Variants in TLN2 observed in about 807,000 individuals in gnomAD.
TLN2 encodes talin 2, also known as talin-2.
Under a neutral mutation model 294.7 loss-of-function variants are expected in TLN2, and 118 were observed. The ratio of observed to expected loss-of-function variants is 0.40; its 90% confidence interval spans 0.34 to 0.47. The LOEUF (loss-of-function observed/expected upper bound fraction) is 0.47, where lower values mean the gene tolerates loss of function less well. Ranked by LOEUF, TLN2 falls within the 20% of genes least tolerant of loss-of-function variation. The pLI, the probability that TLN2 is intolerant of heterozygous loss-of-function variation, is 0.84. For synonymous variants in TLN2, 1,431 were observed against 1,304.5 expected (o/e 1.10, Z -2.09); for missense variants, 3,083 against 3,282.2 (o/e 0.94, Z 1.48).
intron 1 of TLN2, among the ~76,000 whole-genome samples, chr15:62,584,901 G>T (rs2045460983): frequency 6.6e-6 from 1 of 152,112 alleles, no homozygotes; most frequent in Non-Finnish European, 1.5e-5. Context: ...AATCCTATTG[G>T]ATTTTCTCTG....
chr15:62,675,578 C>A (rs1305311897), intron 11 of TLN2, among the ~76,000 whole-genome samples: 1 of 152,184 alleles, frequency 6.6e-6, no homozygotes, highest in Non-Finnish European at 1.5e-5. Flanking sequence ...GCTATAAAGT[C>A]CCTGAAGGAG....
chr15:62,784,145 T>A (rs983475667), intron 45 of TLN2: 1 of 528,174 alleles, frequency 1.9e-6, no homozygotes, highest in African/African-American at 1.9e-5. Context: ...TTGTATACAG[T>A]GTTCTATCAG....
chr15:62,581,096 A>C (rs534164001), intron 1 of TLN2, among the ~76,000 whole-genome samples: 117 of 152,006 alleles, frequency 7.7e-4, no homozygotes, highest in East Asian at 3.7e-3. Flanking sequence ...GTTGGCCCGG[A>C]TGGTCTCCTA....
At chr15:62,500,710 G>A (rs1362837718) in intron 1 of TLN2, among the ~76,000 whole-genome samples, 1 of 152,220 alleles carries the variant, frequency 6.6e-6, no homozygotes, top group Non-Finnish European at 1.5e-5. Flanking sequence ...TGACATCAAT[G>A]CCCACTTGGA....
intron 3 of TLN2, among the ~76,000 whole-genome samples, chr15:62,632,866 A>G (rs981981130): frequency 6.6e-6 from 1 of 152,208 alleles, no homozygotes; most frequent in East Asian, 1.9e-4. Context: ...GAGCGAACTG[A>G]CAAGGAAAAA....
chr15:62,770,099 G>A (rs950994900), intron 41 of TLN2, among the ~76,000 whole-genome samples: 3 of 152,192 alleles, frequency 2.0e-5, no homozygotes, highest in African/African-American at 7.2e-5. Flanking sequence ...CTGAGAGCCA[G>A]GGCTGTGGGG....
chr15:62,753,609 T>A (rs1416294138), intron 35 of TLN2, among the ~76,000 whole-genome samples, 164 bp from the exon 36 acceptor site: 1 of 152,204 alleles, frequency 6.6e-6, no homozygotes, highest in Non-Finnish European at 1.5e-5. Flanking sequence ...ATAAACCTGT[T>A]CATTATTACA....
intron 8 of TLN2, among the ~76,000 whole-genome samples, chr15:62,657,256 C>A (rs192734151): frequency 5.9e-5 from 9 of 152,150 alleles, no homozygotes; most frequent in Admixed American, 5.9e-4. Context: ...TGTCATTTCC[C>A]CTGCTGTCTT....
intron 42 of TLN2, among the ~76,000 whole-genome samples, chr15:62,774,629 G>C (rs2063571089): frequency 6.6e-6 from 1 of 152,212 alleles, no homozygotes; most frequent in Non-Finnish European, 1.5e-5. Flanking sequence ...GACCCTCTAA[G>C]AATCTGTGAA....
intron 18 of TLN2, 118 bp downstream of exon 18, chr15:62,702,318 T>G: frequency 1.8e-6 from 2 of 1,126,214 alleles, no homozygotes; most frequent in Non-Finnish European, 2.5e-6. Context: ...TGTGTTTCTC[T>G]CTGCAGGAGT....
intron 3 of TLN2, among the ~76,000 whole-genome samples, chr15:62,643,792 C>G (rs1288873271): frequency 6.6e-6 from 1 of 152,088 alleles, no homozygotes; most frequent in Non-Finnish European, 1.5e-5. Flanking sequence ...ACCCAGGGTC[C>G]TTTCCGTGAA....
chr15:62,538,241 A>AC (rs1316841193), intron 1 of TLN2, among the ~76,000 whole-genome samples: 20 of 151,934 alleles, frequency 1.3e-4, no homozygotes, highest in African/African-American at 4.4e-4. Flanking sequence ...ACACACACAC[A>AC]AAAACACCAG....
chr15:62,680,321 T>C lies in TLN2; in HGVS notation c.957+5000T>C, dbSNP rs570581809. Among the ~76,000 whole-genome samples the C allele has an allele frequency of 1.6e-4, 25 of 152,336 alleles. No individual in the cohort carries two copies. In the South Asian group the frequency reaches 2.1e-3, roughly 13 times the overall value. ...CATAAACATGATATAGAGAGCCTCC[T>C]TGATTGCTTTCAACATTTTGTAATT... On this transcript the variant is annotated intron_variant, in intron 11 of 58. Transcript: ENST00000636159.
Position 62,702,195 on chromosome 15 carries a change from G to A in TLN2, c.1900G>A (p.Gly634Arg). Residue 634 changes from glycine (G) to arginine (R), a missense_variant, in exon 18 of 59, where the codon GGA becomes AGA. Coordinates refer to ENST00000636159, the MANE Select transcript of TLN2 (RefSeq NM_015059.3). Reference sequence around the variant, plus strand: ...GCTGAAAGCTGTGCAGCCTACTTCTGGAGAGGTAAGCTCCAGAGGCAAGCA... The same window carrying A: ...GCTGAAAGCTGTGCAGCCTACTTCTAGAGAGGTAAGCTCCAGAGGCAAGCA... ...DLLKAVQPTSGEPRQTVLTAA... is the reference protein window; with the variant it reads ...DLLKAVQPTSREPRQTVLTAA... 1 of 1,590,714 alleles carries A rather than the reference G, an allele frequency of 6.3e-7. No individual in the cohort carries two copies. The highest frequency in any genetic ancestry group is 8.6e-7 in the Non-Finnish European group (1 of 1,167,270).
chr15:62,814,035 T>A (rs1313785253), intron 52 of TLN2, among the ~76,000 whole-genome samples: 2 of 152,096 alleles, frequency 1.3e-5, no homozygotes, highest in Non-Finnish European at 2.9e-5. Flanking sequence ...GCTGGTCCCC[T>A]AACCTCAGGT....
intron 42 of TLN2, among the ~76,000 whole-genome samples, chr15:62,773,879 TA>T (rs1567575868): frequency 6.6e-6 from 1 of 152,162 alleles, no homozygotes; most frequent in Non-Finnish European, 1.5e-5. Context: ...ATATGTTTTT[TA>T]AAAAAGCGGC....
intron 25 of TLN2, 75 bp from the exon 26 acceptor site, chr15:62,722,278 C>T (rs756658391): frequency 1.4e-6 from 2 of 1,477,244 alleles, no homozygotes; most frequent in Non-Finnish European, 1.8e-6. Context: ...GCTGTGGAGA[C>T]CTCGCTGCTT....
chr15:62,685,679 G>C (rs1459108638), intron 11 of TLN2, among the ~76,000 whole-genome samples: 1 of 152,002 alleles, frequency 6.6e-6, no homozygotes, highest in East Asian at 1.9e-4. Context: ...AAACTTATTT[G>C]CTTATTTATT....
At chr15:62,638,766 C>G (rs1311551936) in intron 3 of TLN2, 4 of 387,276 alleles carry the variant, frequency 1.0e-5, no homozygotes, top group African/African-American at 8.4e-5. Flanking sequence ...TTGAACCCTT[C>G]TCTGTGTCAG....
Sources: gnomAD v4.1 joint callset for allele counts (sites outside exome capture counted in the v4.1 genomes callset) on GRCh38, gnomAD v4.1.1 for gene constraint, MANE v1.5 for transcripts, NCBI Gene and HGNC (gene_info 2026-07-23, HGNC 2026-07-21) for gene names.